Variants in DCC observed in about 807,000 individuals in gnomAD.
DCC encodes netrin receptor DCC.
In DCC, 58 loss-of-function variants were observed where a neutral mutation model predicts 172.5. The ratio of observed to expected loss-of-function variants is 0.34; its 90% CI spans 0.27 to 0.42. The LOEUF (loss-of-function observed/expected upper bound fraction) is 0.42. Among genes scored for constraint, DCC ranks in the 10% least tolerant of loss-of-function variants. DCC has a pLI of 1.00. For missense variants in DCC, 1,740 were observed against 1,791.0 expected (o/e 0.97, Z 0.51); for synonymous variants, 709 against 644.5 (o/e 1.10, Z -1.52).
At chr18:53,033,172 G>A (rs2143967003) in intron 5 of DCC, among the ~76,000 whole-genome samples, 1 of 152,208 alleles carries the variant, frequency 6.6e-6, no homozygotes, top group African/African-American at 2.4e-5. Context: ...GGAGTGTAAT[G>A]AAGGAACTCA....
chr18:52,753,686 A>G (rs543178168), intron 2 of DCC, among the ~76,000 whole-genome samples: 4 of 152,288 alleles, frequency 2.6e-5, no homozygotes, highest in South Asian at 4.1e-4. Context: ...TAAGATGAAC[A>G]GTTTTTGTTT....
intron 2 of DCC, among the ~76,000 whole-genome samples, chr18:52,802,278 T>C (rs2038003885): frequency 1.3e-5 from 2 of 152,152 alleles, no homozygotes. Flanking sequence ...CCGTTTAATA[T>C]TGCTATTGCC....
chr18:53,502,985 A>G (rs1350164904), intron 27 of DCC, among the ~76,000 whole-genome samples: 1 of 151,814 alleles, frequency 6.6e-6, no homozygotes, highest in Non-Finnish European at 1.5e-5. Flanking sequence ...TGCATTAGCT[A>G]TTTTTCCTGA....
chr18:53,143,871 A>AAGC (rs1378853725), intron 7 of DCC, among the ~76,000 whole-genome samples: 2 of 152,210 alleles, frequency 1.3e-5, no homozygotes, highest in African/African-American at 4.8e-5. Context: ...GATTGTTTCC[A>AAGC]TCCCATTTGA....
intron 1 of DCC, among the ~76,000 whole-genome samples, chr18:52,352,754 T>C (rs764164057): frequency 1.3e-5 from 2 of 152,176 alleles, no homozygotes; most frequent in Non-Finnish European, 2.9e-5. Context: ...GGAGATGTAT[T>C]CCAGGCACAA....
intron 24 of DCC, among the ~76,000 whole-genome samples, chr18:53,460,568 G>A (rs376635314): frequency 4.1e-4 from 62 of 151,760 alleles, no homozygotes; most frequent in East Asian, 2.5e-3. Flanking sequence ...TACTGAGAAT[G>A]ATGATTTCCA....
rs7244909 is a variant in DCC, at chr18:52,477,735, T to C, written c.91+136857T>C. Among the ~76,000 whole-genome samples the C allele has an allele frequency of 5.6e-3, 851 of 152,302 alleles. 10 individuals are homozygous for C. The highest frequency in any genetic ancestry group is 0.02 in the African/African-American group (820 of 41,582). ...ACAGGTTCTATTGAGCAATTCCTAA[T>C]GTTTGACAATCAGAACTCTCCAGCT... is the stretch of plus-strand genomic sequence containing the variant. On this transcript the variant is annotated intron_variant, in intron 1 of 28. Coordinates refer to ENST00000442544, the MANE Select transcript of DCC (RefSeq NM_005215.4).
In DCC at chr18:53,339,683, A is replaced by G. The variant is rs546187422; in HGVS notation, c.2165-30A>G. The stretch of plus-strand genomic sequence containing the variant: ...CGTGCTACATTTTCTGTTATGAGAC[A>G]TGCTGATGATGCCTCTTTTTGAATG... On this transcript the variant is annotated intron_variant, in intron 14 of 28. Coordinates refer to ENST00000442544, the MANE Select transcript of DCC (RefSeq NM_005215.4). The G allele has an allele frequency of 5.0e-5, 78 of 1,575,038 alleles. No individual in the cohort carries two copies. The South Asian group carries it at 8.2e-4, about 17-fold the overall frequency.
At chr18:52,651,020 T>A (rs181836156) in intron 1 of DCC, among the ~76,000 whole-genome samples, 4 of 152,328 alleles carry the variant, frequency 2.6e-5, no homozygotes, top group Non-Finnish European at 5.9e-5. Context: ...TCTTTTTTTA[T>A]GAAAAGAAAA....
intron 23 of DCC, among the ~76,000 whole-genome samples, chr18:53,458,307 G>A (rs143609325): frequency 1.3e-5 from 2 of 152,186 alleles, no homozygotes; most frequent in Non-Finnish European, 2.9e-5. Flanking sequence ...TAGGATTTTT[G>A]AGCCATATAG....
At chr18:52,865,834 T>G (rs1431303732) in intron 2 of DCC, among the ~76,000 whole-genome samples, 1 of 152,120 alleles carries the variant, frequency 6.6e-6, no homozygotes, top group Non-Finnish European at 1.5e-5. Flanking sequence ...CTTCCTTTCT[T>G]CCTATTCGAA....
At chr18:52,364,334 AGG>A (rs1984748702) in intron 1 of DCC, among the ~76,000 whole-genome samples, 1 of 151,902 alleles carries the variant, frequency 6.6e-6, no homozygotes, top group South Asian at 2.1e-4. Flanking sequence ...GCATTTAAAC[AGG>A]TATATAAGAA....
intron 1 of DCC, among the ~76,000 whole-genome samples, chr18:52,720,980 G>T (rs1232126364): frequency 6.6e-6 from 1 of 152,156 alleles, no homozygotes; most frequent in Admixed American, 6.5e-5. Context: ...AAGCCCTCTT[G>T]TCTGAAGGAT....
rs201132804 is a variant in DCC at position 53,232,934 on chromosome 18, CT to C, written c.1911+17349del. On this transcript the variant is annotated intron_variant, in intron 12 of 28. Transcript: ENST00000442544. ...ATAAACACTTTCAACTTGCTCCTTT[CT>C]TTTTTTTTTTTCCCCAGGTATTATT... Among the ~76,000 whole-genome samples, 64 of 130,102 alleles carry C rather than the reference CT, an allele frequency of 4.9e-4. No individual in the cohort carries two copies. The South Asian group carries it at 8.9e-3, about 18-fold the overall frequency. The allele number at this position is 130,102 out of a possible 152,430, so 85.4% of individuals were successfully genotyped here.
At chr18:53,340,070 A>G (rs201904351) in intron 15 of DCC, among the ~76,000 whole-genome samples, 163 bp downstream of exon 15, 1 of 125,682 alleles carries the variant, frequency 8.0e-6, no homozygotes, top group East Asian at 3.1e-4. Flanking sequence ...ACACACACAC[A>G]CACACATACA....
At chr18:53,350,352 T>A (rs1256678436) in intron 15 of DCC, among the ~76,000 whole-genome samples, 1 of 152,202 alleles carries the variant, frequency 6.6e-6, no homozygotes, top group Non-Finnish European at 1.5e-5. Flanking sequence ...CATCTGTTAC[T>A]CCTGAAATAT....
chr18:52,555,130 A>G (rs1348409286), intron 1 of DCC, among the ~76,000 whole-genome samples: 2 of 152,054 alleles, frequency 1.3e-5, no homozygotes, highest in African/African-American at 2.4e-5. Flanking sequence ...GCTGGCTTTT[A>G]AAGTGTCATC....
chr18:53,404,186 G>A (rs1318473351), intron 19 of DCC, among the ~76,000 whole-genome samples: 1 of 151,766 alleles, frequency 6.6e-6, no homozygotes, highest in Non-Finnish European at 1.5e-5. Flanking sequence ...TAAGCTTATG[G>A]GAAATCAACA....
At chr18:53,329,564 T>C (rs1261752924) in intron 14 of DCC, among the ~76,000 whole-genome samples, 3 of 151,992 alleles carry the variant, frequency 2.0e-5, no homozygotes, top group Non-Finnish European at 4.4e-5. Context: ...CAAATGTATA[T>C]CATAAAAAAT....
Sources: gnomAD v4.1 joint callset for allele counts (sites outside exome capture counted in the v4.1 genomes callset) on GRCh38, gnomAD v4.1.1 for gene constraint, MANE v1.5 for transcripts, NCBI Gene and HGNC (gene_info 2026-07-23, HGNC 2026-07-21) for gene names.